FAM107B: variants seen among roughly 807,000 people sequenced by gnomAD.
FAM107B encodes protein FAM107B.
In FAM107B, 21 loss-of-function variants were observed where a neutral mutation model predicts 31.5. That is an observed-to-expected ratio of 0.67 (90% CI 0.47 to 0.96). FAM107B has a LOEUF of 0.96. Among genes scored for constraint, FAM107B ranks in the 40% least tolerant of loss-of-function variants. The pLI is 0.00. For missense variants in FAM107B, 452 were observed against 377.1 expected (o/e 1.20, Z -1.64); for synonymous variants, 157 against 141.5 (o/e 1.11, Z -0.78).
Position 14,539,637 on chromosome 10 carries a change from G to A in FAM107B, c.470-9122C>T, listed in dbSNP as rs527516163. On this transcript the variant is annotated intron_variant, in intron 2 of 4. Coordinates refer to ENST00000181796, the MANE Select transcript of FAM107B (RefSeq NM_031453.4). ...AGGGTGTGAGAACAAGAAGTCTCTAGATAGAAGAAAACTAATTTAAAATAA... is the reference window on the plus strand; with the variant it reads ...AGGGTGTGAGAACAAGAAGTCTCTAAATAGAAGAAAACTAATTTAAAATAA... 3.3e-5 allele frequency among the ~76,000 whole-genome samples: 5 copies of A among 152,224 alleles called. No individual in the cohort carries two copies. The South Asian group carries it at 8.3e-4, about 25-fold the overall frequency.
intron 1 of FAM107B, among the ~76,000 whole-genome samples, chr10:14,722,254 G>T (rs977947101): frequency 6.6e-6 from 1 of 152,118 alleles, no homozygotes; most frequent in East Asian, 1.9e-4. Context: ...CTATAGGTTT[G>T]CCAATTTTGT....
At chr10:14,536,018 C>T (rs977977413) in intron 2 of FAM107B, among the ~76,000 whole-genome samples, 3 of 152,206 alleles carry the variant, frequency 2.0e-5, no homozygotes, top group African/African-American at 4.8e-5. Context: ...ACCATTCCCT[C>T]GGAAAACTTT....
At chr10:14,661,937 G>A (rs973521392) in intron 2 of FAM107B, among the ~76,000 whole-genome samples, 1 of 152,098 alleles carries the variant, frequency 6.6e-6, no homozygotes, top group African/African-American at 2.4e-5. Flanking sequence ...CCTTTCCCTT[G>A]TCACTATTAG....
chr10:14,583,512 T>C (rs1851722567), intron 2 of FAM107B, among the ~76,000 whole-genome samples: 1 of 152,158 alleles, frequency 6.6e-6, no homozygotes, highest in South Asian at 2.1e-4. Flanking sequence ...GAGCTGAGTA[T>C]TCTTTCACCT....
At chr10:14,712,093 G>T (rs1855662486) in intron 1 of FAM107B, among the ~76,000 whole-genome samples, 1 of 152,156 alleles carries the variant, frequency 6.6e-6, no homozygotes, top group Non-Finnish European at 1.5e-5. Flanking sequence ...GAAGAAGACA[G>T]GACTTTCAAC....
chr10:14,533,433 G>A (rs766682297), intron 2 of FAM107B, among the ~76,000 whole-genome samples: 2 of 152,166 alleles, frequency 1.3e-5, no homozygotes, highest in Admixed American at 6.5e-5. Flanking sequence ...GATCTAGGAC[G>A]TGTCGAGTCT....
intron 1 of FAM107B, among the ~76,000 whole-genome samples, chr10:14,716,815 C>T (rs1855789331): frequency 6.6e-6 from 1 of 152,168 alleles, no homozygotes; most frequent in Admixed American, 6.5e-5. Flanking sequence ...TTGCGCCAGG[C>T]ACAGTGGCTT....
intron 1 of FAM107B, among the ~76,000 whole-genome samples, chr10:14,740,584 C>T (rs535895991): frequency 1.3e-5 from 2 of 152,188 alleles, no homozygotes; most frequent in African/African-American, 4.8e-5. Flanking sequence ...AGAGCTAACC[C>T]TAATGCGTAT....
At chr10:14,540,458 G>A (rs949608274) in intron 2 of FAM107B, among the ~76,000 whole-genome samples, 12 of 152,198 alleles carry the variant, frequency 7.9e-5, no homozygotes, top group African/African-American at 2.7e-4. Flanking sequence ...CTCCTTTGGT[G>A]ACACTCTCCT....
chr10:14,737,466 G>A (rs934795631), intron 1 of FAM107B, among the ~76,000 whole-genome samples: 1 of 151,876 alleles, frequency 6.6e-6, no homozygotes, highest in Non-Finnish European at 1.5e-5. Context: ...TACAAAAAAT[G>A]AGCCGGGCGT....
chr10:14,731,216 A>T (rs1856164844), intron 1 of FAM107B, among the ~76,000 whole-genome samples: 1 of 152,156 alleles, frequency 6.6e-6, no homozygotes, highest in Non-Finnish European at 1.5e-5. Flanking sequence ...ATAAGACAGA[A>T]AAGGTGCTTG....
intron 2 of FAM107B, among the ~76,000 whole-genome samples, chr10:14,631,325 A>G (rs1853349339): frequency 1.3e-5 from 2 of 152,154 alleles, no homozygotes; most frequent in South Asian, 2.1e-4. Flanking sequence ...CAACATCCAT[A>G]TAAAGTACCA....
chr10:14,632,689 C>G (rs917631579), intron 2 of FAM107B, among the ~76,000 whole-genome samples: 6 of 151,126 alleles, frequency 4.0e-5, no homozygotes, highest in African/African-American at 1.5e-4. Flanking sequence ...GAAAGTTTTT[C>G]TCAGGAAAGA....
chr10:14,731,354 G>C (rs539301351), intron 1 of FAM107B, among the ~76,000 whole-genome samples: 27 of 152,262 alleles, frequency 1.8e-4, no homozygotes, highest in African/African-American at 5.3e-4. Context: ...CTGAGATCAG[G>C]AGTTTGAGAC....
chr10:14,629,447 TATATATATATTATATATATATTTAA>T (rs1853284658), intron 2 of FAM107B, among the ~76,000 whole-genome samples: 1 of 7,644 alleles, frequency 1.3e-4, no homozygotes, highest in Admixed American at 1.5e-3. Flanking sequence ...ATATATATAT[TATATATATATTATATATATATTTAA>T]TATATATATA....
At chr10:14,747,108 T>C (rs1832740101) in intron 1 of FAM107B, among the ~76,000 whole-genome samples, 1 of 152,256 alleles carries the variant, frequency 6.6e-6, no homozygotes, top group African/African-American at 2.4e-5. Flanking sequence ...GTGGTTGCAT[T>C]ATGATGGTCT....
chr10:14,768,536 G>A (rs1346538462), intron 1 of FAM107B, among the ~76,000 whole-genome samples: 1 of 152,266 alleles, frequency 6.6e-6, no homozygotes, highest in South Asian at 2.1e-4. Context: ...CCACTCAATG[G>A]GGAAAAGACA....
At chr10:14,604,260 G>T in intron 2 of FAM107B, 7 of 979,658 alleles carry the variant, frequency 7.1e-6, no homozygotes, top group Non-Finnish European at 7.2e-6. Context: ...GCACAAAGGC[G>T]CGCGGCTCCC....
chr10:14,559,771 C>T (rs1214896831), intron 2 of FAM107B, among the ~76,000 whole-genome samples: 1 of 148,698 alleles, frequency 6.7e-6, no homozygotes, highest in African/African-American at 2.5e-5. Flanking sequence ...TTAGTAGAGA[C>T]GGGGTTTCAC....
Sources: gnomAD v4.1 joint callset for allele counts (sites outside exome capture counted in the v4.1 genomes callset) on GRCh38, gnomAD v4.1.1 for gene constraint, MANE v1.5 for transcripts, NCBI Gene and HGNC (gene_info 2026-07-23, HGNC 2026-07-21) for gene names.